CCDC73: variants seen among roughly 807,000 people sequenced by gnomAD.
CCDC73 encodes coiled-coil domain containing 73, also known as coiled-coil domain-containing protein 73.
In CCDC73, 95 loss-of-function variants were observed where a neutral mutation model predicts 116.5. That is an observed-to-expected ratio of 0.82 (90% CI 0.69 to 0.97). CCDC73 has a LOEUF of 0.97. Ranked by LOEUF, CCDC73 falls within the 50% of genes least tolerant of loss-of-function variation. CCDC73 has a pLI of 0.00. For missense variants in CCDC73, 1,066 were observed against 1,206.8 expected (o/e 0.88, Z 1.73); for synonymous variants, 398 against 401.3 (o/e 0.99, Z 0.10).
intron 2 of CCDC73, among the ~76,000 whole-genome samples, chr11:32,736,469 TCA>T (rs1850129833): frequency 1.3e-5 from 2 of 152,312 alleles, no homozygotes; most frequent in Admixed American, 1.3e-4. Flanking sequence ...AGATACCATC[TCA>T]CATCAGTTAG....
At chr11:32,653,259 AG>A in intron 11 of CCDC73, 32 bp from the exon 12 acceptor site, 1 of 1,382,668 alleles carries the variant, frequency 7.2e-7, no homozygotes, top group Non-Finnish European at 1.0e-6. Context: ...TCAATTTAAA[AG>A]TTTTAAGATA....
intron 1 of CCDC73, among the ~76,000 whole-genome samples, chr11:32,787,693 G>A (rs1351237562): frequency 6.6e-6 from 1 of 152,004 alleles, no homozygotes. Flanking sequence ...GTAAAATATG[G>A]ATGGCATTTG....
At chr11:32,830,443 G>T in the CCDC73 span, 12 of 1,230,340 alleles carry the variant, frequency 9.8e-6, no homozygotes, top group African/African-American at 4.8e-5. Flanking sequence ...GATTCAGTTC[G>T]ACAGAAACTC....
the CCDC73 span, among the ~76,000 whole-genome samples, chr11:32,812,670 CA>C: frequency 8.6e-3 from 884 of 103,034 alleles, 7 homozygotes; most frequent in African/African-American, 0.019. Context: ...ACTACATCTC[CA>C]AAAAAAAAAA....
At chr11:32,626,922 T>G (rs1855579895) in intron 14 of CCDC73, among the ~76,000 whole-genome samples, 2 of 152,180 alleles carry the variant, frequency 1.3e-5, no homozygotes, top group Admixed American at 1.3e-4. Flanking sequence ...GGGCAAGGAC[T>G]TCATGTCTAA....
chr11:32,718,353 G>C (rs1849963366), intron 2 of CCDC73, among the ~76,000 whole-genome samples: 1 of 152,132 alleles, frequency 6.6e-6, no homozygotes, highest in African/African-American at 2.4e-5. Context: ...GATAGAGACA[G>C]GTGCCTAGAG....
intron 2 of CCDC73, among the ~76,000 whole-genome samples, chr11:32,721,078 G>A (rs1319028299): frequency 6.6e-6 from 1 of 152,194 alleles, no homozygotes; most frequent in Admixed American, 6.5e-5. Flanking sequence ...AGCCTGGAGT[G>A]CAGTGGTGCA....
chr11:32,761,715 T>C (rs561870437), intron 1 of CCDC73, among the ~76,000 whole-genome samples: 5 of 152,216 alleles, frequency 3.3e-5, no homozygotes, highest in Admixed American at 3.3e-4. Context: ...GGGGGGTGTA[T>C]GTATATATGT....
At chr11:32,743,573 C>G (rs905350924) in intron 2 of CCDC73, among the ~76,000 whole-genome samples, 2 of 151,880 alleles carry the variant, frequency 1.3e-5, no homozygotes, top group East Asian at 3.9e-4. Context: ...TGTGTCCTCT[C>G]TTATTTCCTT....
chr11:32,677,970 A>C (rs1162013273), intron 7 of CCDC73, among the ~76,000 whole-genome samples: 3 of 149,362 alleles, frequency 2.0e-5, no homozygotes, highest in African/African-American at 4.9e-5. Flanking sequence ...AAAAAAAAAA[A>C]AAAAAAAAAC....
At chr11:32,730,781 G>A (rs908294614) in intron 2 of CCDC73, among the ~76,000 whole-genome samples, 1 of 152,042 alleles carries the variant, frequency 6.6e-6, no homozygotes, top group African/African-American at 2.4e-5. Flanking sequence ...AATCTATTGA[G>A]TTCTGAGGGG....
At position 32,665,481 on chromosome 11, in the gene CCDC73, C is replaced by T. The variant is rs751567894; in HGVS notation, c.645+10084G>A. ...TCTTATCAGAGACTCGGATTGCAAC[C>T]CCTGTCTTTTTTTGTTTTCCATTTG... On this transcript the variant is annotated intron_variant, in intron 9 of 17. Coordinates refer to ENST00000335185, the MANE Select transcript of CCDC73 (RefSeq NM_001008391.4). 3.0e-3 allele frequency among the ~76,000 whole-genome samples: 454 copies of T among 152,104 alleles called. 1 individual carries two copies. Among genetic ancestry groups the T allele is most frequent in the Admixed American group, 4.3e-3 (66 of 15,270 alleles).
At chr11:32,810,724 G>C in the CCDC73 span, among the ~76,000 whole-genome samples, 62 of 152,038 alleles carry the variant, frequency 4.1e-4, no homozygotes, top group Admixed American at 3.9e-4. Context: ...GCCAACTTTG[G>C]ATACAATCCT....
intron 2 of CCDC73, among the ~76,000 whole-genome samples, chr11:32,739,324 G>C (rs1850163243): frequency 6.6e-6 from 1 of 152,074 alleles, no homozygotes. Flanking sequence ...TCCAAACCAT[G>C]AACATGGAAT....
the CCDC73 span, among the ~76,000 whole-genome samples, chr11:32,822,327 A>G: frequency 6.6e-6 from 1 of 152,188 alleles, no homozygotes; most frequent in Non-Finnish European, 1.5e-5. Flanking sequence ...CTTGCTCACA[A>G]GGGTATCCTC....
intron 14 of CCDC73, among the ~76,000 whole-genome samples, chr11:32,623,195 CAG>C (rs149764282): frequency 0.017 from 2,546 of 152,054 alleles, 57 homozygotes; most frequent in African/African-American, 0.058. Flanking sequence ...TTAGTAGAGA[CAG>C]GGTTTCACCA....
At chr11:32,765,650 A>C (rs1850434158) in intron 1 of CCDC73, among the ~76,000 whole-genome samples, 1 of 152,252 alleles carries the variant, frequency 6.6e-6, no homozygotes, top group Non-Finnish European at 1.5e-5. Flanking sequence ...AAATGCCCAC[A>C]AGAGAAAGCA....
At position 32,699,222 on chromosome 11, in the gene CCDC73, C is replaced by T. The variant is rs115181486; in HGVS notation, c.390+29G>A. The T allele has an allele frequency of 2.6e-3, 3,973 of 1,552,088 alleles. 103 individuals are homozygous for T. The African/African-American group carries it at 0.047, about 18-fold the overall frequency. Reference sequence around the variant, plus strand: ...GATATAATGCTAAAATACCAAACTACTTTTTAAACAATACGTAGTTATTTT... The same window carrying T: ...GATATAATGCTAAAATACCAAACTATTTTTTAAACAATACGTAGTTATTTT... On this transcript the variant is annotated intron_variant, in intron 6 of 17. Transcript: ENST00000335185.
intron 1 of CCDC73, among the ~76,000 whole-genome samples, chr11:32,769,781 C>G (rs1336373115): frequency 6.6e-6 from 1 of 152,160 alleles, no homozygotes; most frequent in Non-Finnish European, 1.5e-5. Context: ...CTTCAATGAT[C>G]CACTAAAATA....
Sources: allele counts gnomAD v4.1 joint callset (sites outside exome capture counted in the v4.1 genomes callset), GRCh38; gene constraint gnomAD v4.1.1; transcripts MANE v1.5; gene names NCBI Gene and HGNC (gene_info 2026-07-23, HGNC 2026-07-21).